SPIDR: variants seen among roughly 807,000 people sequenced by gnomAD.
SPIDR encodes scaffold protein involved in DNA repair, also known as DNA repair-scaffolding protein.
A neutral mutation model predicts 104.6 loss-of-function variants in SPIDR; 93 were observed. That is an observed-to-expected ratio of 0.89 (90% CI 0.75 to 1.06). The LOEUF (loss-of-function observed/expected upper bound fraction) is 1.06. SPIDR is among the 50% of genes least tolerant of loss of function. The probability of loss-of-function intolerance (pLI) is 0.00; values close to 1 mark genes in which losing one functional copy is unlikely to be tolerated. For synonymous variants in SPIDR, 431 were observed against 416.9 expected (o/e 1.03, Z -0.41); for missense variants, 1,154 against 1,111.2 (o/e 1.04, Z -0.55).
intron 5 of SPIDR, among the ~76,000 whole-genome samples, chr8:47,371,899 C>T (rs2058079588): frequency 1.3e-5 from 2 of 152,080 alleles, no homozygotes; most frequent in African/African-American, 4.8e-5. Flanking sequence ...ATTATTTGTC[C>T]CCTGGTTCTG....
intron 1 of SPIDR, among the ~76,000 whole-genome samples, chr8:47,266,633 G>A (rs890308588): frequency 4.6e-5 from 7 of 152,188 alleles, no homozygotes; most frequent in African/African-American, 1.7e-4. Flanking sequence ...GCCTAAGTAT[G>A]TAATTGCCAG....
chr8:47,315,839 C>T (rs1332581422), intron 5 of SPIDR, among the ~76,000 whole-genome samples: 2 of 152,138 alleles, frequency 1.3e-5, no homozygotes, highest in Non-Finnish European at 2.9e-5. Context: ...CCCTACCTCA[C>T]ATGGTACCCA....
chr8:47,551,760 C>G (rs1218357054), intron 8 of SPIDR, among the ~76,000 whole-genome samples: 1 of 152,086 alleles, frequency 6.6e-6, no homozygotes, highest in African/African-American at 2.4e-5. Flanking sequence ...TTTTTTGTGT[C>G]TCTATCTCCT....
chr8:47,330,511 G>A (rs1004767380), intron 5 of SPIDR, among the ~76,000 whole-genome samples: 6 of 152,150 alleles, frequency 3.9e-5, no homozygotes, highest in Non-Finnish European at 7.4e-5. Flanking sequence ...GCTCTGCCTA[G>A]TAATCATTCT....
At chr8:47,426,379 G>A (rs1302208292) in intron 7 of SPIDR, among the ~76,000 whole-genome samples, 1 of 150,764 alleles carries the variant, frequency 6.6e-6, no homozygotes, top group African/African-American at 2.4e-5. Flanking sequence ...ATTCTTTCTT[G>A]CCAAATGGCT....
At chr8:47,292,407 T>G (rs2040073525) in intron 4 of SPIDR, among the ~76,000 whole-genome samples, 2 of 152,202 alleles carry the variant, frequency 1.3e-5, no homozygotes, top group South Asian at 4.1e-4. Flanking sequence ...CTATTATTGA[T>G]TCAACCATAT....
chr8:47,510,914 G>C (rs2154375866), intron 8 of SPIDR: 1 of 548,782 alleles, frequency 1.8e-6, no homozygotes, highest in Admixed American at 3.2e-5. Flanking sequence ...TAGAGCTGTG[G>C]AGGAGATGTC....
At chr8:47,492,207 A>G (rs782467554) in intron 8 of SPIDR, among the ~76,000 whole-genome samples, 3 of 152,004 alleles carry the variant, frequency 2.0e-5, no homozygotes, top group Non-Finnish European at 2.9e-5. Flanking sequence ...CCTACATACC[A>G]TGTCTTTAGT....
intron 5 of SPIDR, among the ~76,000 whole-genome samples, chr8:47,370,506 G>A (rs1418387661): frequency 6.8e-6 from 1 of 147,160 alleles, no homozygotes; most frequent in Non-Finnish European, 1.5e-5. Context: ...GAATGCAATG[G>A]TGCGATCTGG....
chr8:47,557,769 T>C (rs144517978), intron 8 of SPIDR, among the ~76,000 whole-genome samples: 354 of 152,300 alleles, frequency 2.3e-3, no homozygotes, highest in African/African-American at 7.9e-3. Context: ...CTAAAGACAA[T>C]TAAGACCTTT....
chr8:47,729,229 A>G, intron 18 of SPIDR, 182 bp downstream of exon 18: 2 of 1,447,534 alleles, frequency 1.4e-6, no homozygotes, highest in Non-Finnish European at 1.9e-6. Flanking sequence ...AGGTGGGAGG[A>G]TGCACCCTAT....
intron 8 of SPIDR, among the ~76,000 whole-genome samples, chr8:47,550,297 G>A (rs534859837): frequency 3.9e-5 from 6 of 152,232 alleles, no homozygotes; most frequent in Non-Finnish European, 7.4e-5. Context: ...TTCCAATTCT[G>A]TGAAGAAAGT....
At chr8:47,481,171 A>G (rs2076860128) in intron 8 of SPIDR, among the ~76,000 whole-genome samples, 1 of 152,222 alleles carries the variant, frequency 6.6e-6, no homozygotes, top group South Asian at 2.1e-4. Flanking sequence ...CTTCTTGGTC[A>G]CTATCACAGT....
intron 5 of SPIDR, chr8:47,360,912 A>T: frequency 1.0e-6 from 1 of 985,450 alleles, no homozygotes; most frequent in Non-Finnish European, 1.2e-6. Context: ...TCATGGTAGG[A>T]TAAGACTTTG....
chr8:47,636,993 A>T (rs1170783103), intron 10 of SPIDR, among the ~76,000 whole-genome samples: 2 of 152,198 alleles, frequency 1.3e-5, no homozygotes. Context: ...ATTGACAGAC[A>T]TTCACCATTG....
intron 8 of SPIDR, among the ~76,000 whole-genome samples, chr8:47,446,245 T>C (rs2070576519): frequency 6.6e-6 from 1 of 152,228 alleles, no homozygotes; most frequent in Non-Finnish European, 1.5e-5. Context: ...TCATTTACCA[T>C]TTTGAAAATT....
At chr8:47,728,632 G>C in intron 17 of SPIDR, 1 of 278,760 alleles carries the variant, frequency 3.6e-6, no homozygotes, top group Non-Finnish European at 6.8e-6. Context: ...CCGGGCCAGG[G>C]GGCAGCCTGA....
chr8:47,663,204 A>G (rs948392134), intron 10 of SPIDR, among the ~76,000 whole-genome samples: 1 of 152,188 alleles, frequency 6.6e-6, no homozygotes, highest in African/African-American at 2.4e-5. Flanking sequence ...CTCGGCCTAA[A>G]GGTCACCTTC....
intron 11 of SPIDR, among the ~76,000 whole-genome samples, chr8:47,681,224 C>T (rs1333898326): frequency 6.6e-6 from 1 of 152,128 alleles, no homozygotes; most frequent in Non-Finnish European, 1.5e-5. Flanking sequence ...TTTCTTTCTG[C>T]CAAATGTTAC....
Sources: allele counts gnomAD v4.1 joint callset (sites outside exome capture counted in the v4.1 genomes callset), GRCh38; gene constraint gnomAD v4.1.1; transcripts MANE v1.5; gene names NCBI Gene and HGNC (gene_info 2026-07-23, HGNC 2026-07-21).